The following COL22A1 variants were observed in gnomAD, a reference collection of about 807,000 sequenced individuals.
The protein encoded by COL22A1 is collagen type XXII alpha 1 chain, also known as collagen alpha-1(XXII) chain.
In COL22A1, 221 loss-of-function variants were observed where a neutral mutation model predicts 248.9. The ratio of observed to expected loss-of-function variants is 0.89; its 90% CI spans 0.80 to 0.99. The LOEUF (loss-of-function observed/expected upper bound fraction) is 0.99. Among genes scored for constraint, COL22A1 ranks in the 50% least tolerant of loss-of-function variants. COL22A1 has a pLI of 0.00. For missense variants in COL22A1, 2,240 were observed against 2,179.0 expected (o/e 1.03, Z -0.56); for synonymous variants, 891 against 793.4 (o/e 1.12, Z -2.07).
In COL22A1 at chr8:138,589,291, T is replaced by A. The variant is rs1209275989; in HGVS notation, c.4843A>T (p.Ser1615Cys). ...CDPSQCAYFA[S>C]LAARPGNVKG... ...ACATTACCCGGCCGGGCAGCAAGGC[T>A]GGCGAAGTAGGCACACTGGGAAGGG... Residue 1615 changes from serine to cysteine, a missense_variant, in exon 65 of 65, where the codon AGC becomes TGC. Coordinates refer to ENST00000303045, the MANE Select transcript of COL22A1 (RefSeq NM_152888.3). 2 of 1,613,938 alleles carry A rather than the reference T, an allele frequency of 1.2e-6. No individual in the cohort carries two copies. The highest frequency in any genetic ancestry group is 1.7e-6 in the Non-Finnish European group (2 of 1,179,894).
At chr8:138,660,159 T>G (rs1823683733) in intron 44 of COL22A1, among the ~76,000 whole-genome samples, 1 of 152,234 alleles carries the variant, frequency 6.6e-6, no homozygotes, top group African/African-American at 2.4e-5. Flanking sequence ...GGCCAAGCCT[T>G]CTGACAGCGG....
intron 23 of COL22A1, among the ~76,000 whole-genome samples, chr8:138,736,789 A>G (rs574238171): frequency 3.3e-5 from 5 of 152,262 alleles, no homozygotes. Context: ...GCACCTGCCT[A>G]GGAACAGAGG....
intron 23 of COL22A1, among the ~76,000 whole-genome samples, chr8:138,734,593 C>T (rs944481215): frequency 1.3e-5 from 2 of 152,176 alleles, no homozygotes; most frequent in African/African-American, 4.8e-5. Context: ...TAAATTAGTT[C>T]AACCACTGTG....
chr8:138,848,577 AAC>A (rs1821415009), intron 3 of COL22A1, among the ~76,000 whole-genome samples: 1 of 152,190 alleles, frequency 6.6e-6, no homozygotes, highest in Non-Finnish European at 1.5e-5. Flanking sequence ...CTGTCTGCAG[AAC>A]ACACAGCCTT....
At chr8:138,902,562 C>T (rs1814663982) in intron 1 of COL22A1, among the ~76,000 whole-genome samples, 1 of 151,618 alleles carries the variant, frequency 6.6e-6, no homozygotes, top group Non-Finnish European at 1.5e-5. Context: ...AAAAATTAGC[C>T]AGGTGTGGTG....
At chr8:138,699,793 T>C (rs1329566672) in intron 32 of COL22A1, among the ~76,000 whole-genome samples, 1 of 152,224 alleles carries the variant, frequency 6.6e-6, no homozygotes, top group Non-Finnish European at 1.5e-5. Flanking sequence ...TCTCAAATAA[T>C]TCTGTTCTCC....
chr8:138,746,187 C>T (rs1832091168), intron 22 of COL22A1, among the ~76,000 whole-genome samples: 1 of 152,200 alleles, frequency 6.6e-6, no homozygotes, highest in African/African-American at 2.4e-5. Flanking sequence ...AATAAAGGGC[C>T]TGGGTTCTGT....
intron 7 of COL22A1, among the ~76,000 whole-genome samples, chr8:138,818,049 T>C (rs936553602): frequency 2.6e-5 from 4 of 152,184 alleles, no homozygotes; most frequent in African/African-American, 9.7e-5. Context: ...AGAAATATAG[T>C]GGAAATCTCA....
intron 37 of COL22A1, among the ~76,000 whole-genome samples, chr8:138,686,475 T>G (rs1826361817): frequency 6.6e-6 from 1 of 152,168 alleles, no homozygotes; most frequent in Non-Finnish European, 1.5e-5. Flanking sequence ...GCCAAGGATA[T>G]GCAAAGCAAG....
At chr8:138,887,601 C>T (rs1364125595) in intron 1 of COL22A1, among the ~76,000 whole-genome samples, 1 of 152,212 alleles carries the variant, frequency 6.6e-6, no homozygotes, top group Non-Finnish European at 1.5e-5. Flanking sequence ...CTACCTAGAA[C>T]TATACCTGTG....
At chr8:138,744,394 G>T (rs1360083322) in intron 22 of COL22A1, among the ~76,000 whole-genome samples, 1 of 152,004 alleles carries the variant, frequency 6.6e-6, no homozygotes, top group Admixed American at 6.6e-5. Flanking sequence ...GGTATTGAGG[G>T]TCCTAGATCT....
At chr8:138,624,130 T>C (rs934015291) in intron 51 of COL22A1, among the ~76,000 whole-genome samples, 1 of 152,118 alleles carries the variant, frequency 6.6e-6, no homozygotes, top group Non-Finnish European at 1.5e-5. Flanking sequence ...TCTGGGCCTC[T>C]TGGGTGAGCA....
At chr8:138,755,077 C>T (rs756975392) in intron 21 of COL22A1, 80 bp downstream of exon 21, 378 of 1,418,352 alleles carry the variant, frequency 2.7e-4, no homozygotes, top group East Asian at 4.6e-4. Context: ...TGCTCAGCGC[C>T]GGGAATGACT....
intron 3 of COL22A1, among the ~76,000 whole-genome samples, chr8:138,857,071 C>A (rs914418831): frequency 6.6e-6 from 1 of 152,032 alleles, no homozygotes; most frequent in Non-Finnish European, 1.5e-5. Flanking sequence ...GCCTTGCTGT[C>A]CGCATCCCCA....
intron 1 of COL22A1, among the ~76,000 whole-genome samples, chr8:138,911,149 A>G (rs975441021): frequency 6.6e-6 from 1 of 152,158 alleles, no homozygotes; most frequent in Admixed American, 6.5e-5. Context: ...CTCACTCCCT[A>G]ATGAATCAAT....
In COL22A1 at chr8:138,878,034, G is replaced by A. The variant is rs751726807; in HGVS notation, c.374C>T (p.Thr125Met). The A allele has an allele frequency of 1.3e-6, 2 of 1,591,382 alleles. No individual in the cohort carries two copies. Among genetic ancestry groups the A allele is most frequent in the East Asian group, 2.3e-5 (1 of 43,792 alleles). The change falls in exon 3 of 65, where the codon ACG becomes ATG. Residue 125 changes from threonine to methionine, a missense_variant. By Grantham distance (81) the Thr-to-Met change is moderately conservative. Transcript: ENST00000303045. Reference sequence around the variant, plus strand: ...GGCGTGTGGGGAGAAGCTGCGGGCCGTGATGTAGCGGAGCGCGTCTCCCGT... The same window carrying A: ...GGCGTGTGGGGAGAAGCTGCGGGCCATGATGTAGCGGAGCGCGTCTCCCGT... ...TNTGDALRYI[T>M]ARSFSPHAGG...
At chr8:138,675,903 C>T (rs1280830472) in intron 41 of COL22A1, among the ~76,000 whole-genome samples, 1 of 152,090 alleles carries the variant, frequency 6.6e-6, no homozygotes, top group East Asian at 1.9e-4. Context: ...AACTGCAGAG[C>T]CAGATGTACT....
chr8:138,767,541 C>T lies in COL22A1; in HGVS notation c.1804-5075G>A, dbSNP rs148011889. On this transcript the variant is annotated intron_variant, in intron 16 of 64. Transcript: ENST00000303045. ...AGAACTCTACTCTGATTCTCATATC[C>T]GGAATCAATAGGAAAGTGTAAGCTT... Among the ~76,000 whole-genome samples, 423 of 152,312 alleles carry T rather than the reference C, an allele frequency of 2.8e-3. 2 individuals carry two copies. Among genetic ancestry groups the T allele is most frequent in the Non-Finnish European group, 4.7e-3 (318 of 68,032 alleles).
rs537964430 is a variant in COL22A1 at position 138,663,637 on chromosome 8, A to C, written c.3186+68T>G. The C allele has an allele frequency of 4.7e-6, 6 of 1,280,738 alleles. No individual in the cohort carries two copies. The East Asian group carries it at 1.4e-4, about 30-fold the overall frequency. The allele number at this position is 1,280,738 out of a possible 1,614,324, so 79.3% of individuals were successfully genotyped here. A position where few individuals can be genotyped will look rare whatever the true frequency, so the allele number is the denominator to read the frequency against. On this transcript the variant is annotated intron_variant, in intron 42 of 64. Transcript: ENST00000303045. ...CTTCAGTTTTTGGTGCTTCCCATTTAAAACTGCTTTGATTCGAGCAGGATT... is the reference window on the plus strand; with the variant it reads ...CTTCAGTTTTTGGTGCTTCCCATTTCAAACTGCTTTGATTCGAGCAGGATT...
Sources: allele counts gnomAD v4.1 joint callset (sites outside exome capture counted in the v4.1 genomes callset), GRCh38; gene constraint gnomAD v4.1.1; transcripts MANE v1.5; gene names NCBI Gene and HGNC (gene_info 2026-07-23, HGNC 2026-07-21).